The following MACROD2 variants were observed in gnomAD, a reference collection of about 807,000 sequenced individuals.
MACROD2 encodes ADP-ribose glycohydrolase MACROD2.
In MACROD2, 36 loss-of-function variants were observed where a neutral mutation model predicts 70.4. The ratio of observed to expected loss-of-function variants is 0.51; its 90% CI spans 0.39 to 0.68. MACROD2 has a LOEUF of 0.68. MACROD2 is among the 30% of genes least tolerant of loss of function. MACROD2 has a pLI of 0.00. For synonymous variants in MACROD2, 172 were observed against 178.8 expected (o/e 0.96, Z 0.30); for missense variants, 496 against 538.4 (o/e 0.92, Z 0.78).
chr20:15,630,080 G>C lies in MACROD2; in HGVS notation c.645+130233G>C, dbSNP rs2049266274. On this transcript the variant is annotated intron_variant, in intron 8 of 17. Transcript: ENST00000684519. ...CCGTGTCCAGCCCATAGTGCTTCCGGTCCTGCTTTTGATGATGACGATAGA... is the reference window on the plus strand; with the variant it reads ...CCGTGTCCAGCCCATAGTGCTTCCGCTCCTGCTTTTGATGATGACGATAGA... Among the ~76,000 whole-genome samples the C allele has an allele frequency of 2.0e-5, 3 of 152,112 alleles. 1 individual carries two copies.
chr20:15,523,866 G>T (rs1481413663), intron 8 of MACROD2, among the ~76,000 whole-genome samples: 1 of 152,130 alleles, frequency 6.6e-6, no homozygotes, highest in Non-Finnish European at 1.5e-5. Context: ...TAGCTATCAT[G>T]TTCTCTATCT....
chr20:15,341,471 T>C (rs1476803688), intron 6 of MACROD2, among the ~76,000 whole-genome samples: 1 of 152,166 alleles, frequency 6.6e-6, no homozygotes, highest in African/African-American at 2.4e-5. Context: ...ATATAGGAAG[T>C]CTCCAGAGAA....
At chr20:16,025,430 AC>A (rs1301130068) in intron 15 of MACROD2, among the ~76,000 whole-genome samples, 33 of 152,364 alleles carry the variant, frequency 2.2e-4, no homozygotes, top group African/African-American at 7.2e-4. Context: ...AGACCAGGGT[AC>A]CTGGAGATAA....
intron 13 of MACROD2, among the ~76,000 whole-genome samples, chr20:15,982,606 C>T (rs2066417383): frequency 6.6e-6 from 1 of 152,040 alleles, no homozygotes; most frequent in African/African-American, 2.4e-5. Context: ...GAGGTTGGGC[C>T]TACTAGAGTA....
intron 6 of MACROD2, among the ~76,000 whole-genome samples, chr20:15,240,448 A>G (rs2077051232): frequency 6.6e-6 from 1 of 152,178 alleles, no homozygotes; most frequent in African/African-American, 2.4e-5. Context: ...GCACACCTAG[A>G]GTCCCAGCTA....
intron 5 of MACROD2, among the ~76,000 whole-genome samples, chr20:15,088,448 T>A (rs1237352018): frequency 7.9e-4 from 62 of 78,578 alleles, no homozygotes; most frequent in Non-Finnish European, 1.5e-3. Context: ...TATATATATA[T>A]ATAATATTTT....
intron 5 of MACROD2, among the ~76,000 whole-genome samples, chr20:14,697,801 G>C (rs1398218005): frequency 6.6e-6 from 1 of 152,184 alleles, no homozygotes; most frequent in Admixed American, 6.5e-5. Flanking sequence ...GCTTTCGGTA[G>C]AGTCACAATG....
rs541417467 is a variant in MACROD2 at position 14,281,810 on chromosome 20, T to C, written c.271+196082T>C. On this transcript the variant is annotated intron_variant, in intron 3 of 17. Coordinates refer to ENST00000684519, the MANE Select transcript of MACROD2 (RefSeq NM_001351661.2). The stretch of plus-strand genomic sequence containing the variant: ...ATTAGCCGGGCGCGGTGATGTGTGC[T>C]TGTAATCCCAGCTACTCAGGAGGCT... Among the ~76,000 whole-genome samples, 1,291 of 151,474 alleles carry C rather than the reference T, an allele frequency of 8.5e-3. 3 individuals carry two copies. Among genetic ancestry groups the C allele is most frequent in the South Asian group, 0.015 (73 of 4,794 alleles).
rs538472879 is a variant in MACROD2, at chr20:14,783,674, G to C, written c.418+98715G>C. On this transcript the variant is annotated intron_variant, in intron 5 of 17. Coordinates refer to ENST00000684519, the MANE Select transcript of MACROD2 (RefSeq NM_001351661.2). ...CTGAGATTTTAAGGATTTGAGGGTA[G>C]GTAGTTTATTAGGGAGGTAACTCCA... Among the ~76,000 whole-genome samples the C allele has an allele frequency of 2.4e-4, 37 of 152,176 alleles. 1 individual carries two copies. Among genetic ancestry groups the C allele is most frequent in the Admixed American group, 1.6e-3 (25 of 15,290 alleles).
intron 5 of MACROD2, among the ~76,000 whole-genome samples, chr20:14,864,718 C>G (rs2073409086): frequency 6.6e-6 from 1 of 151,966 alleles, no homozygotes; most frequent in Non-Finnish European, 1.5e-5. Flanking sequence ...CTAAAGATAA[C>G]TGAGAAAGCA....
intron 3 of MACROD2, among the ~76,000 whole-genome samples, chr20:14,226,849 C>T (rs2081741296): frequency 6.6e-6 from 1 of 152,226 alleles, no homozygotes; most frequent in Non-Finnish European, 1.5e-5. Context: ...CCCTGCTCCA[C>T]GGCGCCCAGT....
intron 10 of MACROD2, among the ~76,000 whole-genome samples, chr20:15,900,105 C>G (rs1279259625): frequency 6.6e-6 from 1 of 152,064 alleles, no homozygotes; most frequent in Non-Finnish European, 1.5e-5. Context: ...TGCCATGCAG[C>G]AGTTCATGCA....
Position 14,756,315 on chromosome 20 carries a change from T to G in MACROD2, c.418+71356T>G, listed in dbSNP as rs563498614. Among the ~76,000 whole-genome samples, 4 of 152,236 alleles carry G rather than the reference T, an allele frequency of 2.6e-5. No homozygotes were observed. In the East Asian group the frequency reaches 7.7e-4, roughly 29 times the overall value. ...GCTTAATCATGTCCCCTCCTCAGAA[T>G]AGTATTGTCTGACCACTTTTCTAAA... On this transcript the variant is annotated intron_variant, in intron 5 of 17. Transcript: ENST00000684519.
At chr20:14,788,463 G>C (rs947591024) in intron 5 of MACROD2, among the ~76,000 whole-genome samples, 1 of 150,750 alleles carries the variant, frequency 6.6e-6, no homozygotes, top group African/African-American at 2.4e-5. Flanking sequence ...GTGTGCACCT[G>C]TATTCCCAGC....
chr20:14,539,072 A>G (rs1043319481), intron 4 of MACROD2, among the ~76,000 whole-genome samples: 2 of 152,222 alleles, frequency 1.3e-5, no homozygotes, highest in Admixed American at 6.5e-5. Context: ...TGAATGAACA[A>G]TGGATTAAAA....
At chr20:15,153,337 G>A (rs1430207506) in intron 5 of MACROD2, among the ~76,000 whole-genome samples, 2 of 152,090 alleles carry the variant, frequency 1.3e-5, no homozygotes, top group Non-Finnish European at 2.9e-5. Context: ...GCAGGCAGGA[G>A]TAGGGGTCAC....
chr20:15,677,936 G>A (rs959878305), intron 8 of MACROD2, among the ~76,000 whole-genome samples: 6 of 151,974 alleles, frequency 3.9e-5, no homozygotes, highest in Non-Finnish European at 8.8e-5. Flanking sequence ...ATGGTGGTGG[G>A]CACCTGTAAT....
chr20:15,760,540 G>A (rs775160538), intron 8 of MACROD2, among the ~76,000 whole-genome samples: 18 of 152,048 alleles, frequency 1.2e-4, no homozygotes, highest in Non-Finnish European at 2.6e-4. Context: ...GGCACTGCAC[G>A]GCAACCCCAC....
At chr20:15,675,978 A>G (rs1223805824) in intron 8 of MACROD2, among the ~76,000 whole-genome samples, 1 of 152,212 alleles carries the variant, frequency 6.6e-6, no homozygotes, top group Non-Finnish European at 1.5e-5. Context: ...CAAGGTACCC[A>G]TTAGTCTATC....
Sources: allele counts gnomAD v4.1 joint callset (sites outside exome capture counted in the v4.1 genomes callset), GRCh38; gene constraint gnomAD v4.1.1; transcripts MANE v1.5; gene names NCBI Gene and HGNC (gene_info 2026-07-23, HGNC 2026-07-21).